The following SMG6 variants were observed in gnomAD, a reference collection of about 807,000 sequenced individuals.
SMG6 encodes the protein telomerase-binding protein EST1A.
SMG6 carries 66 observed loss-of-function variants against 142.2 expected under a neutral mutation model. That is an observed-to-expected ratio of 0.46 (90% CI 0.38 to 0.57). The LOEUF is 0.57. Ranked by LOEUF, SMG6 falls within the 20% of genes least tolerant of loss-of-function variation. The pLI is 0.00. For missense variants in SMG6, 1,793 were observed against 1,832.0 expected (o/e 0.98, Z 0.39); for synonymous variants, 779 against 702.4 (o/e 1.11, Z -1.72).
At chr17:2,106,673 A>C (rs943399587) in intron 13 of SMG6, among the ~76,000 whole-genome samples, 1 of 152,166 alleles carries the variant, frequency 6.6e-6, no homozygotes, top group African/African-American at 2.4e-5. Context: ...GGGAACATGA[A>C]GGGGGCAAAG....
In SMG6 at chr17:2,085,513, C is replaced by T. The variant is rs2068535871; in HGVS notation, c.3534+212G>A. Among the ~76,000 whole-genome samples the T allele has an allele frequency of 6.6e-6, 1 of 152,154 alleles. No homozygotes were observed. The highest frequency in any genetic ancestry group is 1.5e-5 in the Non-Finnish European group (1 of 68,022). ...CTCCTCAATGCAGCATTAAAAGAAG[C>T]ATCTGGAACTCGTAGTGGAGTAGGA... On this transcript the variant is annotated intron_variant, in intron 14 of 18. Coordinates refer to ENST00000263073, the MANE Select transcript of SMG6 (RefSeq NM_017575.5). This position sits in a 1 kb window ranked among gnomAD's most constrained non-coding sequence, Gnocchi z 4.1.
At chr17:2,130,711 C>T (rs1347552385) in intron 13 of SMG6, among the ~76,000 whole-genome samples, 1 of 150,364 alleles carries the variant, frequency 6.7e-6, no homozygotes, top group Non-Finnish European at 1.5e-5. Flanking sequence ...ATTGCAATTA[C>T]TCTTGGTAAT....
At chr17:2,242,356 CAAAAAAA>C (rs57062488) in intron 9 of SMG6, among the ~76,000 whole-genome samples, 30 of 73,508 alleles carry the variant, frequency 4.1e-4, no homozygotes, top group East Asian at 1.8e-3. Flanking sequence ...ACTGAAGATA[CAAAAAAA>C]AAAAAAAAAA....
At chr17:2,111,901 C>T (rs1479501323) in intron 13 of SMG6, among the ~76,000 whole-genome samples, 1 of 152,144 alleles carries the variant, frequency 6.6e-6, no homozygotes, top group Non-Finnish European at 1.5e-5. Flanking sequence ...AAGTTTCCAT[C>T]ACAGATGAGA....
intron 13 of SMG6, among the ~76,000 whole-genome samples, chr17:2,131,430 G>T (rs983976978): frequency 6.6e-6 from 1 of 152,074 alleles, no homozygotes; most frequent in African/African-American, 2.4e-5. Context: ...TGAGTAGCTA[G>T]GACTACAGGT....
At chr17:2,289,268 T>C (rs1413466075) in intron 6 of SMG6, among the ~76,000 whole-genome samples, 2 of 150,200 alleles carry the variant, frequency 1.3e-5, no homozygotes, top group Non-Finnish European at 3.0e-5. Context: ...AAAAAAAAAA[T>C]TAAGTGACTG....
chr17:2,130,866 T>TG (rs2070098556), intron 13 of SMG6, among the ~76,000 whole-genome samples: 1 of 151,926 alleles, frequency 6.6e-6, no homozygotes, highest in Non-Finnish European at 1.5e-5. Flanking sequence ...TAGCTGGGCG[T>TG]GGTGGCAGGT....
intron 15 of SMG6, among the ~76,000 whole-genome samples, chr17:2,075,214 C>T (rs1037842100): frequency 3.3e-5 from 5 of 150,912 alleles, no homozygotes; most frequent in African/African-American, 9.7e-5. Context: ...CCACAACAGC[C>T]CCCCCTAGCT....
chr17:2,271,072 G>T (rs1039314681), intron 8 of SMG6, among the ~76,000 whole-genome samples: 1 of 151,630 alleles, frequency 6.6e-6, no homozygotes. Context: ...GTTGAAGCAG[G>T]AGGATTGCTT....
rs1164862686 is a variant in SMG6, at chr17:2,230,317, AAAAAAAAAAAAAAAAAAAAG to A, written c.2869+6155_2869+6174del. 2.7e-4 allele frequency among the ~76,000 whole-genome samples: 30 copies of A among 110,888 alleles called. 1 individual carries two copies. The highest frequency in any genetic ancestry group is 4.0e-3 in the Middle Eastern group (1 of 248). The allele number at this position is 110,888 out of a possible 152,430, so 72.7% of individuals were successfully genotyped here. A position where few individuals can be genotyped will look rare whatever the true frequency, so the allele number is the denominator to read the frequency against. ...GTCCATGTCGGGGCAAAAAAAAAAA[AAAAAAAAAAAAAAAAAAAAG>A]GGAAAACCACAAACAATCAAATTGA... On this transcript the variant is annotated intron_variant, in intron 10 of 18. Coordinates refer to ENST00000263073, the MANE Select transcript of SMG6 (RefSeq NM_017575.5).
At chr17:2,084,554 A>G (rs1044701041) in intron 14 of SMG6, among the ~76,000 whole-genome samples, 16 of 152,142 alleles carry the variant, frequency 1.1e-4, no homozygotes, top group African/African-American at 3.9e-4. Context: ...TGGCCACTCT[A>G]TCACTGTTTC....
chr17:2,115,302 C>T (rs1050151245), intron 13 of SMG6, among the ~76,000 whole-genome samples: 1 of 151,896 alleles, frequency 6.6e-6, no homozygotes, highest in Non-Finnish European at 1.5e-5. Context: ...TCAATATGAA[C>T]AAGTATAGAC....
chr17:2,237,905 T>C (rs1488648814), intron 9 of SMG6, among the ~76,000 whole-genome samples: 1 of 152,124 alleles, frequency 6.6e-6, no homozygotes, highest in African/African-American at 2.4e-5. Flanking sequence ...TTTTACCATG[T>C]CCCCCAGCCC....
chr17:2,275,664 G>A (rs2074632787), intron 8 of SMG6, among the ~76,000 whole-genome samples: 1 of 152,126 alleles, frequency 6.6e-6, no homozygotes, highest in South Asian at 2.1e-4. Context: ...CAACAACCCA[G>A]TTGACAAGCA....
chr17:2,259,788 G>A (rs780639466), intron 8 of SMG6, among the ~76,000 whole-genome samples: 54 of 151,632 alleles, frequency 3.6e-4, no homozygotes, highest in Admixed American at 6.6e-4. Context: ...CCTACCTAAC[G>A]CCATACAGGA....
intron 13 of SMG6, among the ~76,000 whole-genome samples, chr17:2,145,611 A>C (rs1166768453): frequency 8.0e-6 from 1 of 125,436 alleles, no homozygotes; most frequent in African/African-American, 3.1e-5. Context: ...ACTGCACTCC[A>C]GCCTTGGTGA....
intron 13 of SMG6, among the ~76,000 whole-genome samples, chr17:2,171,925 C>T (rs753779641): frequency 6.6e-6 from 1 of 152,020 alleles, no homozygotes. Flanking sequence ...CTCCCAAGCT[C>T]GGTGGCTACT....
At chr17:2,142,682 G>A (rs557243300) in intron 13 of SMG6, among the ~76,000 whole-genome samples, 15 of 151,902 alleles carry the variant, frequency 9.9e-5, no homozygotes, top group African/African-American at 2.2e-4. Context: ...CCAGGAGTTC[G>A]AGACCAGCCT....
rs761939256 is a variant in SMG6, at chr17:2,084,226, G to A, written c.3534+1499C>T. Reference sequence around the variant, plus strand: ...TGAAAGTGCGGGTGAAAGAGCTGACGGAGGCACTGCTCCACCTGTGCTTCC... The same window carrying A: ...TGAAAGTGCGGGTGAAAGAGCTGACAGAGGCACTGCTCCACCTGTGCTTCC... On this transcript the variant is annotated intron_variant, in intron 14 of 18. Coordinates refer to ENST00000263073, the MANE Select transcript of SMG6 (RefSeq NM_017575.5). 7.9e-5 allele frequency among the ~76,000 whole-genome samples: 12 copies of A among 152,326 alleles called. No homozygotes were observed. The South Asian group carries it at 8.3e-4, about 11-fold the overall frequency.
Sources: allele counts gnomAD v4.1 joint callset (sites outside exome capture counted in the v4.1 genomes callset), GRCh38; gene constraint gnomAD v4.1.1; non-coding constraint Gnocchi (gnomAD v3.1); transcripts MANE v1.5; gene names NCBI Gene and HGNC (gene_info 2026-07-23, HGNC 2026-07-21).